Variants in NELL1 observed in about 807,000 individuals in gnomAD.
NELL1 encodes protein kinase C-binding protein NELL1.
In NELL1, 76 loss-of-function variants were observed where a neutral mutation model predicts 107.4. That is an observed-to-expected ratio of 0.71 (90% CI 0.59 to 0.86). The LOEUF (loss-of-function observed/expected upper bound fraction) is 0.86. Ranked by LOEUF, NELL1 falls within the 40% of genes least tolerant of loss-of-function variation. The probability of loss-of-function intolerance (pLI) is 0.00; values close to 1 mark genes in which losing one functional copy is unlikely to be tolerated. For synonymous variants in NELL1, 353 were observed against 341.2 expected (o/e 1.03, Z -0.38); for missense variants, 1,024 against 1,005.5 (o/e 1.02, Z -0.25).
intron 3 of NELL1, among the ~76,000 whole-genome samples, chr11:20,813,848 A>T (rs1857558677): frequency 6.6e-6 from 1 of 152,140 alleles, no homozygotes. Flanking sequence ...AGTGAATTTG[A>T]TTGATCCTTA....
chr11:20,676,134 G>T (rs1854049756), intron 1 of NELL1, among the ~76,000 whole-genome samples: 1 of 152,006 alleles, frequency 6.6e-6, no homozygotes, highest in Non-Finnish European at 1.5e-5. Context: ...CTCCCAGTTT[G>T]TTCCTCGTTT....
chr11:20,918,348 G>A lies in NELL1; in HGVS notation c.676+94G>A, dbSNP rs769311328. ...GAAAGATAGACCCAAATTGTTTACA[G>A]TGTTGACTTCTGAGGTGCTGGAGAT... is the stretch of plus-strand genomic sequence containing the variant. On this transcript the variant is annotated intron_variant, in intron 6 of 19. Coordinates refer to ENST00000357134, the MANE Select transcript of NELL1 (RefSeq NM_006157.5). 175 of 758,884 alleles carry A rather than the reference G, an allele frequency of 2.3e-4. 3 individuals carry two copies. The highest frequency in any genetic ancestry group is 2.1e-4 in the Non-Finnish European group (90 of 430,276). 47.0% of individuals were successfully genotyped at this position (758,884 alleles called of 1,614,324 possible).
At chr11:21,530,577 G>A (rs1038239454) in intron 15 of NELL1, among the ~76,000 whole-genome samples, 3 of 151,890 alleles carry the variant, frequency 2.0e-5, no homozygotes, top group Admixed American at 6.6e-5. Context: ...TATAGAAATT[G>A]TTATAATTAT....
intron 14 of NELL1, among the ~76,000 whole-genome samples, chr11:21,358,913 A>G (rs1346582524): frequency 6.6e-6 from 1 of 152,036 alleles, no homozygotes; most frequent in African/African-American, 2.4e-5. Context: ...CTAGGTATAC[A>G]ATTGGCAAAC....
At chr11:21,563,177 G>C (rs1031607626) in intron 17 of NELL1, among the ~76,000 whole-genome samples, 3 of 152,048 alleles carry the variant, frequency 2.0e-5, no homozygotes, top group African/African-American at 7.2e-5. Flanking sequence ...CTTGGTTACA[G>C]CCCAGCGTCT....
intron 15 of NELL1, among the ~76,000 whole-genome samples, chr11:21,462,239 G>C (rs542020523): frequency 6.6e-6 from 1 of 152,106 alleles, no homozygotes; most frequent in Admixed American, 6.6e-5. Context: ...AATATAACTA[G>C]GAAGGCAGCA....
chr11:21,332,868 C>A (rs1378474786), intron 14 of NELL1, among the ~76,000 whole-genome samples: 1 of 151,818 alleles, frequency 6.6e-6, no homozygotes. Context: ...GTTTGAGGGG[C>A]TTCACTTTTT....
At chr11:21,530,369 C>T (rs994155125) in intron 15 of NELL1, among the ~76,000 whole-genome samples, 4 of 152,030 alleles carry the variant, frequency 2.6e-5, no homozygotes, top group Admixed American at 2.6e-4. Context: ...AGAGATCCAT[C>T]CAGCTCAAGA....
intron 15 of NELL1, among the ~76,000 whole-genome samples, chr11:21,500,112 T>C (rs1161197109): frequency 6.6e-6 from 1 of 152,106 alleles, no homozygotes; most frequent in African/African-American, 2.4e-5. Flanking sequence ...ATCTGAAAAA[T>C]ATTAAGTGAA....
intron 15 of NELL1, among the ~76,000 whole-genome samples, chr11:21,497,090 G>A (rs1340139808): frequency 3.4e-5 from 5 of 145,166 alleles, no homozygotes; most frequent in Non-Finnish European, 3.0e-5. Context: ...ATAAGCATAC[G>A]TGTGCATGTG....
chr11:20,680,268 A>C lies in NELL1; in HGVS notation c.184+2208A>C, dbSNP rs551546460. 3.9e-5 allele frequency among the ~76,000 whole-genome samples: 6 copies of C among 152,224 alleles called. No homozygotes were observed. In the South Asian group the frequency reaches 1.2e-3, roughly 32 times the overall value. On this transcript the variant is annotated intron_variant, in intron 2 of 19. Transcript: ENST00000357134. ...GGGGAGCCATTATTTTGTTTGCCAC[A>C]AAGTCTGCCCTCTAGATCCCAAGGA...
intron 15 of NELL1, among the ~76,000 whole-genome samples, chr11:21,451,017 C>T (rs187177739): frequency 2.0e-3 from 306 of 151,360 alleles, no homozygotes; most frequent in African/African-American, 7.2e-3. Flanking sequence ...GGTGAAACCC[C>T]GTCTCTACTA....
intron 12 of NELL1, among the ~76,000 whole-genome samples, chr11:20,975,328 T>A (rs1362511961): frequency 6.6e-6 from 1 of 151,930 alleles, no homozygotes; most frequent in Non-Finnish European, 1.5e-5. Flanking sequence ...GGCTTCCTTT[T>A]TGTGTTCTTT....
chr11:20,799,507 CT>C (rs1857239534), intron 3 of NELL1, among the ~76,000 whole-genome samples: 1 of 152,284 alleles, frequency 6.6e-6, no homozygotes, highest in Non-Finnish European at 1.5e-5. Context: ...AATGCACACA[CT>C]TTTTTTCTAA....
chr11:21,205,478 C>G (rs530527699), intron 13 of NELL1, among the ~76,000 whole-genome samples: 1 of 152,282 alleles, frequency 6.6e-6, no homozygotes, highest in South Asian at 2.1e-4. Flanking sequence ...CCCCACCAAG[C>G]TTGAGCATCC....
At chr11:21,036,863 T>A (rs9667044) in intron 12 of NELL1, among the ~76,000 whole-genome samples, 2 of 152,112 alleles carry the variant, frequency 1.3e-5, no homozygotes, top group Non-Finnish European at 2.9e-5. Flanking sequence ...GTTAAATTTT[T>A]AAAAACATGA....
intron 2 of NELL1, among the ~76,000 whole-genome samples, chr11:20,740,129 C>T (rs1432666168): frequency 2.6e-5 from 4 of 152,186 alleles, no homozygotes; most frequent in Admixed American, 6.5e-5. Flanking sequence ...ATGCTGGGCA[C>T]TTTTCTAGCC....
chr11:21,071,541 C>A (rs1854015585), intron 12 of NELL1, among the ~76,000 whole-genome samples: 1 of 152,168 alleles, frequency 6.6e-6, no homozygotes, highest in South Asian at 2.1e-4. Context: ...AATGACATTT[C>A]CGAAGGCAGC....
intron 15 of NELL1, among the ~76,000 whole-genome samples, chr11:21,434,710 A>T (rs1853061058): frequency 1.3e-5 from 2 of 152,052 alleles, no homozygotes; most frequent in African/African-American, 4.8e-5. Flanking sequence ...TATGAATTTT[A>T]AGATTTTTTT....
Sources: gnomAD v4.1 joint callset for allele counts (sites outside exome capture counted in the v4.1 genomes callset) on GRCh38, gnomAD v4.1.1 for gene constraint, MANE v1.5 for transcripts, NCBI Gene and HGNC (gene_info 2026-07-23, HGNC 2026-07-21) for gene names.